Variants in CSMD3 observed in about 807,000 individuals in gnomAD.
CSMD3 encodes CUB and sushi domain-containing protein 3.
Under a neutral mutation model 435.2 loss-of-function variants are expected in CSMD3, and 177 were observed. The observed-to-expected ratio is 0.41, with a 90% CI of 0.36 to 0.46. The LOEUF is 0.46. Among genes scored for constraint, CSMD3 ranks in the 20% least tolerant of loss-of-function variants. The pLI, the probability that CSMD3 is intolerant of heterozygous loss-of-function variation, is 0.34. For synonymous variants in CSMD3, 1,656 were observed against 1,520.5 expected, an observed-to-expected ratio of 1.09 and a Z score of -2.07; for missense variants, 4,265 against 4,504.6, an observed-to-expected ratio of 0.95 and a Z score of 1.52.
intron 2 of CSMD3, among the ~76,000 whole-genome samples, chr8:113,302,294 A>ATATAATATTATATATATTTTATAT (rs1423825506): frequency 2.0e-4 from 3 of 14,640 alleles, no homozygotes; most frequent in African/African-American, 7.3e-4. Context: ...TATATAATAT[A>ATATAATATTATATATATTTTATAT]ATATAATATA....
chr8:113,250,041 T>C (rs546444489), intron 3 of CSMD3, among the ~76,000 whole-genome samples: 3 of 152,186 alleles, frequency 2.0e-5, no homozygotes, highest in Admixed American at 6.6e-5. Flanking sequence ...ATACAACAAA[T>C]CACAGGTTCT....
chr8:113,283,562 CA>C (rs1247109183), intron 2 of CSMD3, among the ~76,000 whole-genome samples: 1 of 151,834 alleles, frequency 6.6e-6, no homozygotes, highest in African/African-American at 2.4e-5. Flanking sequence ...TGGCCGTAAT[CA>C]AAAAATCAAA....
chr8:112,356,229 T>C (rs1478973466), intron 38 of CSMD3, among the ~76,000 whole-genome samples: 1 of 152,168 alleles, frequency 6.6e-6, no homozygotes, highest in Non-Finnish European at 1.5e-5. Flanking sequence ...CATGCACTCG[T>C]ATGTTTATCA....
At chr8:112,259,076 A>G (rs1816120012) in intron 61 of CSMD3, among the ~76,000 whole-genome samples, 1 of 152,108 alleles carries the variant, frequency 6.6e-6, no homozygotes. Context: ...CATTTGACCC[A>G]GCAATCCCAT....
chr8:112,331,563 C>T (rs554309281), intron 45 of CSMD3, among the ~76,000 whole-genome samples: 2 of 78,734 alleles, frequency 2.5e-5, no homozygotes, highest in Admixed American at 2.2e-4. Context: ...AAAAAACATA[C>T]ATTTTTTTCC....
intron 2 of CSMD3, among the ~76,000 whole-genome samples, chr8:113,302,286 T>TATATAATATTATATATATTATATATATA (rs2093777292): frequency 1.3e-4 from 1 of 7,942 alleles, no homozygotes; most frequent in Non-Finnish European, 1.6e-4. Context: ...AATTATAATA[T>TATATAATATTATATATATTATATATATA]ATAATATAAT....
chr8:112,840,633 C>G (rs1158656118), intron 11 of CSMD3, among the ~76,000 whole-genome samples: 1 of 151,624 alleles, frequency 6.6e-6, no homozygotes, highest in Non-Finnish European at 1.5e-5. Context: ...ATAGGGACAT[C>G]AAAATATCTG....
chr8:112,334,941 C>T (rs1373318147), intron 45 of CSMD3, among the ~76,000 whole-genome samples: 1 of 152,004 alleles, frequency 6.6e-6, no homozygotes, highest in African/African-American at 2.4e-5. Flanking sequence ...TACTGAATGC[C>T]AATTTTAGAA....
At chr8:112,846,590 T>C (rs1438391215) in intron 11 of CSMD3, among the ~76,000 whole-genome samples, 1 of 151,934 alleles carries the variant, frequency 6.6e-6, no homozygotes, top group East Asian at 1.9e-4. Flanking sequence ...AAAATTGTTT[T>C]GTAGAAAAAG....
At chr8:113,337,729 T>G (rs1357513500) in intron 1 of CSMD3, among the ~76,000 whole-genome samples, 1 of 152,040 alleles carries the variant, frequency 6.6e-6, no homozygotes, top group Non-Finnish European at 1.5e-5. Context: ...GGTAGAGGGA[T>G]ACAATCTTTG....
At chr8:113,261,742 G>A (rs1233753469) in intron 3 of CSMD3, among the ~76,000 whole-genome samples, 2 of 152,000 alleles carry the variant, frequency 1.3e-5, no homozygotes, top group East Asian at 3.9e-4. Flanking sequence ...ATAAATATTA[G>A]AATATTGTTC....
intron 13 of CSMD3, among the ~76,000 whole-genome samples, chr8:112,720,502 G>A (rs772059717): frequency 2.6e-5 from 4 of 152,056 alleles, no homozygotes; most frequent in Admixed American, 6.6e-5. Context: ...CAAAATGCTC[G>A]TTTTCCAAAA....
At chr8:112,751,139 C>T (rs1162404725) in intron 13 of CSMD3, among the ~76,000 whole-genome samples, 2 of 151,864 alleles carry the variant, frequency 1.3e-5, no homozygotes, top group East Asian at 3.9e-4. Flanking sequence ...AGAGAATATG[C>T]ATGCATATAA....
chr8:113,252,615 C>A (rs192324471), intron 3 of CSMD3, among the ~76,000 whole-genome samples: 2 of 152,148 alleles, frequency 1.3e-5, no homozygotes, highest in East Asian at 3.9e-4. Flanking sequence ...TGCCTTCTCT[C>A]TATGGCCTTC....
In CSMD3 at chr8:112,642,848, C is replaced by T. The variant is rs529264339; in HGVS notation, c.3310+2261G>A. 5.3e-5 allele frequency among the ~76,000 whole-genome samples: 8 copies of T among 152,160 alleles called. No individual in the cohort carries two copies. The East Asian group carries it at 9.7e-4, about 18-fold the overall frequency. ...CTTATCAATTAGTATTATAACATGG[C>T]AGCAAAAAAGTTAATTAACACAAAT... On this transcript the variant is annotated intron_variant, in intron 20 of 70. Coordinates refer to ENST00000297405, the MANE Select transcript of CSMD3 (RefSeq NM_198123.2).
chr8:112,393,721 A>G (rs1443566501), intron 35 of CSMD3, among the ~76,000 whole-genome samples: 1 of 152,210 alleles, frequency 6.6e-6, no homozygotes, highest in African/African-American at 2.4e-5. Context: ...CAAAGTCACC[A>G]GAATATTAAT....
chr8:113,146,147 A>T (rs1662576789), intron 4 of CSMD3, among the ~76,000 whole-genome samples: 1 of 151,622 alleles, frequency 6.6e-6, no homozygotes, highest in African/African-American at 2.4e-5. Context: ...TAACTCAAAA[A>T]TATATTAGAG....
intron 45 of CSMD3, among the ~76,000 whole-genome samples, chr8:112,333,394 C>T (rs867216281): frequency 3.3e-5 from 5 of 151,924 alleles, no homozygotes; most frequent in South Asian, 2.1e-4. Context: ...CTCGAACTCC[C>T]GACCTCAGGT....
chr8:112,592,572 T>A (rs555945198), intron 22 of CSMD3, among the ~76,000 whole-genome samples: 1 of 152,252 alleles, frequency 6.6e-6, no homozygotes, highest in South Asian at 2.1e-4. Flanking sequence ...TTTATTACCA[T>A]GTGGAATTAT....
Sources: gnomAD v4.1 joint callset for allele counts (sites outside exome capture counted in the v4.1 genomes callset) on GRCh38, gnomAD v4.1.1 for gene constraint, MANE v1.5 for transcripts, NCBI Gene and HGNC (gene_info 2026-07-23, HGNC 2026-07-21) for gene names.